NAALADL2: variants seen among roughly 807,000 people sequenced by gnomAD.
NAALADL2 encodes the protein N-acetylated alpha-linked acidic dipeptidase like 2.
NAALADL2 carries 76 observed loss-of-function variants against 87.2 expected under a neutral mutation model. The observed-to-expected ratio is 0.87, with a 90% CI of 0.72 to 1.05. The LOEUF is 1.05. Among genes scored for constraint, NAALADL2 ranks in the 50% least tolerant of loss-of-function variants. The pLI, the probability that NAALADL2 is intolerant of heterozygous loss-of-function variation, is 0.00. For missense variants in NAALADL2, 1,089 were observed against 945.8 expected (o/e 1.15, Z -1.99); for synonymous variants, 354 against 331.0 (o/e 1.07, Z -0.75).
At chr3:175,250,785 A>G (rs1264101556) in intron 3 of NAALADL2, among the ~76,000 whole-genome samples, 1 of 152,206 alleles carries the variant, frequency 6.6e-6, no homozygotes. Flanking sequence ...ATAGGATATT[A>G]TATGCAATGT....
intron 1 of NAALADL2, among the ~76,000 whole-genome samples, chr3:174,884,264 A>C (rs1464413663): frequency 1.3e-5 from 2 of 152,168 alleles, no homozygotes; most frequent in Non-Finnish European, 2.9e-5. Context: ...TGGCCATGAA[A>C]GAAACAGTAC....
intron 2 of NAALADL2, among the ~76,000 whole-genome samples, chr3:174,652,145 C>A (rs565270297): frequency 1.3e-5 from 2 of 152,110 alleles, no homozygotes; most frequent in African/African-American, 4.8e-5. Flanking sequence ...TTAGTATCCT[C>A]GCAGCACTCA....
At chr3:174,605,745 A>AC (rs1718972027) in intron 2 of NAALADL2, among the ~76,000 whole-genome samples, 1 of 151,970 alleles carries the variant, frequency 6.6e-6, no homozygotes. Flanking sequence ...CAGGGCACAG[A>AC]CAAAAAAAAA....
At chr3:174,758,735 AGTTT>A (rs1291740427) in intron 3 of NAALADL2, among the ~76,000 whole-genome samples, 2 of 152,202 alleles carry the variant, frequency 1.3e-5, no homozygotes, top group Non-Finnish European at 2.9e-5. Context: ...GAGATGTACC[AGTTT>A]GTTGAGCTTA....
chr3:175,501,216 C>T (rs1171852207), intron 9 of NAALADL2, among the ~76,000 whole-genome samples: 2 of 152,066 alleles, frequency 1.3e-5, no homozygotes, highest in Non-Finnish European at 2.9e-5. Flanking sequence ...CTTGCTTAAA[C>T]AAAAATGAAA....
chr3:174,929,596 T>G (rs1408010305), intron 1 of NAALADL2, among the ~76,000 whole-genome samples: 1 of 151,952 alleles, frequency 6.6e-6, no homozygotes, highest in Non-Finnish European at 1.5e-5. Context: ...GAAAATTTAT[T>G]TTATTTTTGC....
Position 175,755,291 on chromosome 3 carries a change from T to C in NAALADL2, c.2062T>C (p.Ser688Pro). The C allele has an allele frequency of 6.2e-7, 1 of 1,613,666 alleles. No homozygotes were observed. Among genetic ancestry groups the C allele is most frequent in the Non-Finnish European group, 8.5e-7 (1 of 1,179,746 alleles). Reference sequence around the variant, plus strand: ...GCGGGAGAGTGCTGAACTTTTTCAGTCTGATGAGATGCGACCTGCTAATGA... The same window carrying C: ...GCGGGAGAGTGCTGAACTTTTTCAGCCTGATGAGATGCGACCTGCTAATGA... ...RLRESAELFQ[S>P]DEMRPANDPK... is the part of the protein sequence containing the mutation. Residue 688 changes from serine (S) to proline (P), a missense_variant, in exon 13 of 14, where the codon TCT becomes CCT. Physicochemically the swap from Ser to Pro is moderately conservative, Grantham distance 74 (BLOSUM62 -1). Coordinates refer to ENST00000454872, the MANE Select transcript of NAALADL2 (RefSeq NM_207015.3).
Position 174,847,471 on chromosome 3 carries a change from TAAAAAATAGG to T in NAALADL2, c.-9+109726_-9+109735del, listed in dbSNP as rs1292223084. On this transcript the variant is annotated intron_variant, in intron 3 of 3. Coordinates refer to the NAALADL2 transcript ENST00000434257. ...TTATTATAATCAAGAAATAAACTTT[TAAAAAATAGG>T]CTAAACTCAGAAAATTTTATGTGCC... Among the ~76,000 whole-genome samples, 3 of 152,168 alleles carry T rather than the reference TAAAAAATAGG, an allele frequency of 2.0e-5. No individual in the cohort carries two copies. In the East Asian group the frequency reaches 5.8e-4, roughly 29 times the overall value.
chr3:175,387,144 G>C (rs1768487676), intron 5 of NAALADL2, among the ~76,000 whole-genome samples: 1 of 152,066 alleles, frequency 6.6e-6, no homozygotes, highest in South Asian at 2.1e-4. Context: ...AGCACTAAAA[G>C]TGGGAAAGAC....
intron 4 of NAALADL2, among the ~76,000 whole-genome samples, chr3:175,273,392 TTTTAAAGTGTTCTATTATAA>T (rs2110026610): frequency 6.6e-6 from 1 of 152,260 alleles, no homozygotes; most frequent in East Asian, 1.9e-4. Context: ...AAGTATTTCA[TTTTAAAGTGTTCTATTATAA>T]TGAAAATATC....
chr3:175,683,123 G>A (rs913884658), intron 11 of NAALADL2, among the ~76,000 whole-genome samples: 8 of 151,882 alleles, frequency 5.3e-5, no homozygotes, highest in African/African-American at 1.9e-4. Flanking sequence ...AAAGCCTGAA[G>A]TATAACCAAT....
At chr3:174,581,750 G>A (rs1364186616) in intron 2 of NAALADL2, among the ~76,000 whole-genome samples, 3 of 152,160 alleles carry the variant, frequency 2.0e-5, no homozygotes, top group Non-Finnish European at 4.4e-5. Flanking sequence ...CACATGACTA[G>A]TTCTGGCCAG....
rs150404300 is a variant in NAALADL2 at position 174,920,279 on chromosome 3, A to T, written c.43+60829A>T. The stretch of plus-strand genomic sequence containing the variant: ...GTCCTAGATGTCATCTTCTTCCAAC[A>T]TAAGACTGTTTTGTCTCCATTGACA... On this transcript the variant is annotated intron_variant, in intron 1 of 13. Transcript: ENST00000454872. Among the ~76,000 whole-genome samples the T allele has an allele frequency of 3.2e-3, 495 of 152,344 alleles. 2 individuals are homozygous for T. The highest frequency in any genetic ancestry group is 0.011 in the African/African-American group (477 of 41,588).
intron 5 of NAALADL2, among the ~76,000 whole-genome samples, chr3:175,409,475 T>C (rs931598540): frequency 6.6e-6 from 1 of 151,922 alleles, no homozygotes; most frequent in South Asian, 2.1e-4. Flanking sequence ...TCACCTTGCC[T>C]GTGAAAATTC....
intron 2 of NAALADL2, among the ~76,000 whole-genome samples, chr3:175,116,661 A>T (rs569049223): frequency 6.6e-6 from 1 of 152,118 alleles, no homozygotes; most frequent in African/African-American, 2.4e-5. Context: ...ATACTGCCCA[A>T]TGTAATTTAT....
In NAALADL2 at chr3:174,770,681, G is replaced by A. The variant is rs1292101699; in HGVS notation, c.-9+32935G>A. Among the ~76,000 whole-genome samples, 4 of 151,756 alleles carry A rather than the reference G, an allele frequency of 2.6e-5. No homozygotes were observed. In the East Asian group the frequency reaches 5.8e-4, roughly 22 times the overall value. ...CGGTGAAAACCCGTCTCTACTAAAT[G>A]TACAAAAAATTAGCTGGGCTTGGTG... On this transcript the variant is annotated intron_variant, in intron 3 of 3. Transcript: ENST00000434257.
chr3:174,596,361 A>G (rs994096670), intron 2 of NAALADL2, among the ~76,000 whole-genome samples: 3 of 152,130 alleles, frequency 2.0e-5, no homozygotes, highest in African/African-American at 4.8e-5. Flanking sequence ...CCAATTTTAT[A>G]TATATTATTG....
intron 6 of NAALADL2, among the ~76,000 whole-genome samples, chr3:175,462,401 G>A (rs1723281015): frequency 6.6e-6 from 1 of 152,074 alleles, no homozygotes; most frequent in African/African-American, 2.4e-5. Flanking sequence ...TTATTTTAAT[G>A]GATTCAGTAT....
rs867906521 is a variant in NAALADL2, at chr3:174,717,868, G to A, written c.-114-19773G>A. 7.9e-5 allele frequency among the ~76,000 whole-genome samples: 12 copies of A among 152,098 alleles called. 1 individual carries two copies. Among genetic ancestry groups the A allele is most frequent in the African/African-American group, 2.9e-4 (12 of 41,412 alleles). On this transcript the variant is annotated intron_variant, in intron 2 of 3. Transcript: ENST00000434257. ...TGGCCGGGCATGGTGGCTCATGCCT[G>A]TAATCCCAGTGCTTTGGGAGGCTGA... is the stretch of plus-strand genomic sequence containing the variant.
Sources: gnomAD v4.1 joint callset for allele counts (sites outside exome capture counted in the v4.1 genomes callset) on GRCh38, gnomAD v4.1.1 for gene constraint, MANE v1.5 for transcripts, NCBI Gene and HGNC (gene_info 2026-07-23, HGNC 2026-07-21) for gene names.